The following RP1 variants were observed in gnomAD, a reference collection of about 807,000 sequenced individuals.
The protein encoded by RP1 is RP1 axonemal microtubule associated.
A neutral mutation model predicts 14.8 loss-of-function variants in RP1; 16 were observed. The ratio of observed to expected loss-of-function variants is 1.08; its 90% confidence interval spans 0.73 to 1.65. RP1 has a LOEUF of 1.65. Among genes scored for constraint, RP1 ranks in the 40% most tolerant of loss-of-function variants. RP1 has a pLI of 0.00. For synonymous variants in RP1, 876 were observed against 883.6 expected, an observed-to-expected ratio of 0.99 and a Z score of 0.15; for missense variants, 2,631 against 2,535.0, an observed-to-expected ratio of 1.04 and a Z score of -0.81.
Position 54,629,610 on chromosome 8 carries a change from C to T in RP1, c.5728C>T (p.Leu1910=), listed in dbSNP as rs146140791. 1.2e-6 allele frequency: 2 copies of T among 1,613,850 alleles called. No individual in the cohort carries two copies. The highest frequency in any genetic ancestry group is 2.7e-5 in the African/African-American group (2 of 74,908). The part of the protein sequence containing the change: ...TLQEADSLDK[L]YALCGQHCPI... Reference sequence around the variant, plus strand: ...TCAGGAAGCTGACTCTTTGGATAAACTGTATGCTCTTTGTGGTCAACATTG... The same window carrying T: ...TCAGGAAGCTGACTCTTTGGATAAATTGTATGCTCTTTGTGGTCAACATTG... The change falls in exon 4 of 4, where the codon CTG becomes TTG. Residue 1910 remains leucine (L), a synonymous_variant. Coordinates refer to ENST00000220676, the MANE Select transcript of RP1 (RefSeq NM_006269.2).
chr8:54,696,249 AC>A, intron 12 of RP1: 1 of 289,234 alleles, frequency 3.5e-6, no homozygotes, highest in South Asian at 7.7e-5. Flanking sequence ...ACTATAAATT[AC>A]CCAATAACTA....
At chr8:54,581,182 T>TG (rs1445576769) in intron 1 of RP1, among the ~76,000 whole-genome samples, 1 of 132,216 alleles carries the variant, frequency 7.6e-6, no homozygotes, top group Non-Finnish European at 1.6e-5. Flanking sequence ...CAGGCCCCGG[T>TG]GTGTGATGTT....
At chr8:54,740,003 G>A (rs1420645725) in intron 19 of RP1, among the ~76,000 whole-genome samples, 2 of 151,190 alleles carry the variant, frequency 1.3e-5, no homozygotes. Context: ...CGTAATACTT[G>A]CTAATGTAAG....
At chr8:54,742,565 C>T (rs1809124551) in intron 19 of RP1, among the ~76,000 whole-genome samples, 1 of 152,118 alleles carries the variant, frequency 6.6e-6, no homozygotes. Context: ...CTGCATTATG[C>T]TAGATGATAT....
chr8:54,574,563 T>A (rs1804603852), intron 1 of RP1, among the ~76,000 whole-genome samples: 1 of 152,164 alleles, frequency 6.6e-6, no homozygotes, highest in South Asian at 2.1e-4. Flanking sequence ...GCCCTAAATT[T>A]GTAAGACTGG....
At chr8:54,635,116 A>AT (rs1441790163), downstream of RP1, among the ~76,000 whole-genome samples, 1 of 151,836 alleles carries the variant, frequency 6.6e-6, no homozygotes, top group Non-Finnish European at 1.5e-5. Context: ...TACAATGATT[A>AT]TTTTTTTATC....
At chr8:54,608,643 A>T (rs1026291716) in intron 1 of RP1, among the ~76,000 whole-genome samples, 2 of 152,236 alleles carry the variant, frequency 1.3e-5, no homozygotes, top group African/African-American at 4.8e-5. Flanking sequence ...ACATTTTCCT[A>T]TAACAAACCT....
chr8:54,845,146 G>C (rs1468609723), intron 25 of RP1, among the ~76,000 whole-genome samples: 1 of 152,188 alleles, frequency 6.6e-6, no homozygotes, highest in Non-Finnish European at 1.5e-5. Context: ...GGGTGAACTG[G>C]GGAACAAGAA....
At chr8:54,661,260 G>T (rs1037302612) in intron 6 of RP1, among the ~76,000 whole-genome samples, 1 of 65,140 alleles carries the variant, frequency 1.5e-5, no homozygotes, top group Non-Finnish European at 3.0e-5. Context: ...ATATATAAAT[G>T]ATATATATAA....
intron 15 of RP1, among the ~76,000 whole-genome samples, chr8:54,713,408 A>G (rs1403233656): frequency 6.6e-6 from 1 of 152,146 alleles, no homozygotes; most frequent in African/African-American, 2.4e-5. Flanking sequence ...AATACAAAGG[A>G]AAAAAAGATG....
chr8:54,588,058 C>G (rs933886984), intron 1 of RP1, among the ~76,000 whole-genome samples: 2 of 152,194 alleles, frequency 1.3e-5, no homozygotes. Context: ...ACATTTCATC[C>G]ACCTTTGATA....
At chr8:54,857,131 A>G in intron 27 of RP1, 1 of 1,107,350 alleles carries the variant, frequency 9.0e-7, no homozygotes, top group Non-Finnish European at 1.1e-6. Context: ...CTTGGTAAGA[A>G]GTTTATTTTG....
chr8:54,826,843 A>T (rs1413890475), intron 24 of RP1, among the ~76,000 whole-genome samples: 2 of 152,230 alleles, frequency 1.3e-5, no homozygotes, highest in African/African-American at 4.8e-5. Context: ...TAATTTTGTC[A>T]TTGTGTAAAC....
intron 22 of RP1, among the ~76,000 whole-genome samples, chr8:54,761,629 TG>T (rs910549585): frequency 1.3e-5 from 2 of 152,164 alleles, no homozygotes; most frequent in African/African-American, 4.8e-5. Flanking sequence ...ATAATTTCAA[TG>T]GGTTGTATCT....
rs1392557018 is a variant in RP1 at position 54,746,940 on chromosome 8, T to G, written c.2809-7863T>G. On this transcript the variant is annotated intron_variant, in intron 19 of 22. Transcript: ENST00000636932. ...GTCTTGTTCGTCTGAGAAGATGGTG[T>G]CAGTGTCTACCTAGTTATATAAGCC... Among the ~76,000 whole-genome samples, 3 of 152,210 alleles carry G rather than the reference T, an allele frequency of 2.0e-5. No individual in the cohort carries two copies. In the East Asian group the frequency reaches 5.8e-4, roughly 29 times the overall value.
chr8:54,670,674 TATATA>T (rs1807155792), intron 7 of RP1, among the ~76,000 whole-genome samples: 1 of 13,456 alleles, frequency 7.4e-5, no homozygotes, highest in African/African-American at 1.6e-4. Context: ...TATGTTTTTA[TATATA>T]TATATATATA....
chr8:54,626,138 G>A lies in RP1; in HGVS notation c.2256G>A (p.Thr752=), dbSNP rs748149366. Reference sequence around the variant, plus strand: ...GTTCCAAAAGTAATCTCAATTCCACGATTTCCAAGAATTTCCATAGAAATA... The same window carrying A: ...GTTCCAAAAGTAATCTCAATTCCACAATTTCCAAGAATTTCCATAGAAATA... ...TFCSKSNLNS[T]ISKNFHRNKL... Residue 752 remains threonine, a synonymous_variant, in exon 4 of 4, where the codon ACG becomes ACA. Transcript: ENST00000220676. 4.3e-6 allele frequency: 7 copies of A among 1,612,562 alleles called. No homozygotes were observed. The highest frequency in any genetic ancestry group is 2.7e-5 in the African/African-American group (2 of 74,772).
chr8:54,714,248 G>A lies in RP1; in HGVS notation c.2212-5881G>A, dbSNP rs531200458. 1.8e-4 allele frequency among the ~76,000 whole-genome samples: 28 copies of A among 152,240 alleles called. No homozygotes were observed. In the East Asian group the frequency reaches 5.0e-3, roughly 27 times the overall value. ...GCCTGTAGTTTAACTTAGAAACAAAGATAATAACAGTCCCTCTCTGTAACA... is the reference window on the plus strand; with the variant it reads ...GCCTGTAGTTTAACTTAGAAACAAAAATAATAACAGTCCCTCTCTGTAACA... On this transcript the variant is annotated intron_variant, in intron 15 of 22. Coordinates refer to the RP1 transcript ENST00000636932.
chr8:54,842,830 CTCTGGCTTGCAT>C, intron 25 of RP1, among the ~76,000 whole-genome samples: 1 of 152,326 alleles, frequency 6.6e-6, no homozygotes, highest in South Asian at 2.1e-4. Context: ...TCCCTCGTGG[CTCTGGCTTGCAT>C]CCCCAGAGCC....
Sources: allele counts gnomAD v4.1 joint callset (sites outside exome capture counted in the v4.1 genomes callset), GRCh38; gene constraint gnomAD v4.1.1; transcripts MANE v1.5; gene names NCBI Gene and HGNC (gene_info 2026-07-23, HGNC 2026-07-21).